Variants in GALNT18 observed in about 807,000 individuals in gnomAD.
The protein encoded by GALNT18 is polypeptide N-acetylgalactosaminyltransferase 18, also known as GalNAc-transferase 18.
GALNT18 carries 44 observed loss-of-function variants against 69.5 expected under a neutral mutation model. The observed-to-expected ratio is 0.63, with a 90% CI of 0.50 to 0.81. The LOEUF is 0.81. GALNT18 is among the 40% of genes least tolerant of loss of function. The pLI is 0.00. For missense variants in GALNT18, 715 were observed against 810.0 expected (o/e 0.88, Z 1.42); for synonymous variants, 364 against 318.2 (o/e 1.14, Z -1.53).
At chr11:11,522,196 C>T (rs762670801) in intron 1 of GALNT18, among the ~76,000 whole-genome samples, 11 of 152,222 alleles carry the variant, frequency 7.2e-5, no homozygotes, top group Non-Finnish European at 1.3e-4. Context: ...TCCACATGAC[C>T]TCTCCTCATT....
At chr11:11,578,636 G>A (rs550569086) in intron 1 of GALNT18, among the ~76,000 whole-genome samples, 1 of 152,354 alleles carries the variant, frequency 6.6e-6, no homozygotes, top group African/African-American at 2.4e-5. Context: ...ATCTTCATAA[G>A]AGACCCCACC....
intron 1 of GALNT18, among the ~76,000 whole-genome samples, chr11:11,553,662 G>T (rs1229303730): frequency 6.7e-6 from 1 of 149,104 alleles, no homozygotes; most frequent in African/African-American, 2.4e-5. Flanking sequence ...GTGTGGAGAG[G>T]ACTGAGAAGC....
At chr11:11,414,294 T>G (rs2133762448) in intron 3 of GALNT18, among the ~76,000 whole-genome samples, 1 of 152,352 alleles carries the variant, frequency 6.6e-6, no homozygotes, top group South Asian at 2.1e-4. Flanking sequence ...TGAAAGCTCA[T>G]CAGCATTGTG....
rs750109164 is a variant in GALNT18, at chr11:11,352,008, G to A, written c.1093-11004C>T. 15 of 1,612,974 alleles carry A rather than the reference G, an allele frequency of 9.3e-6. 1 individual carries two copies. The South Asian group carries it at 1.3e-4, about 14-fold the overall frequency. The stretch of plus-strand genomic sequence containing the variant: ...AAGGGGGTTGGCAGCAGCAATCACT[G>A]GTGAGCCTGCCAGAGGTCCAAGGGG... On this transcript the variant is annotated intron_variant, in intron 6 of 10. Transcript: ENST00000227756.
chr11:11,282,864 C>G (rs1849112046), intron 10 of GALNT18, among the ~76,000 whole-genome samples: 1 of 151,782 alleles, frequency 6.6e-6, no homozygotes, highest in Admixed American at 6.6e-5. Flanking sequence ...GTAGGGAAAG[C>G]AGAAAAATAA....
chr11:11,283,727 C>A (rs181696000), intron 10 of GALNT18, among the ~76,000 whole-genome samples: 137 of 152,192 alleles, frequency 9.0e-4, no homozygotes, highest in Admixed American at 1.4e-3. Context: ...TGTAATACTA[C>A]AACTACATAA....
At chr11:11,506,935 A>G (rs1362236951) in intron 1 of GALNT18, among the ~76,000 whole-genome samples, 1 of 152,186 alleles carries the variant, frequency 6.6e-6, no homozygotes, top group Non-Finnish European at 1.5e-5. Flanking sequence ...TCCACAGTAG[A>G]TGCCCCAGAC....
chr11:11,405,903 T>A (rs958818775), intron 3 of GALNT18, among the ~76,000 whole-genome samples: 2 of 152,248 alleles, frequency 1.3e-5, no homozygotes, highest in Non-Finnish European at 2.9e-5. Context: ...GCAGCCTTAC[T>A]GCTGCACTAG....
chr11:11,340,832 T>C lies in GALNT18; in HGVS notation c.1265A>G (p.Asn422Ser). The change falls in exon 7 of 11, where the codon AAC becomes AGC. Residue 422 changes from asparagine to serine, a missense_variant. Physicochemically the swap from Asn to Ser is conservative, Grantham distance 46 (BLOSUM62 1). Coordinates refer to ENST00000227756, the MANE Select transcript of GALNT18 (RefSeq NM_198516.3). This position sits in a 1 kb window ranked among gnomAD's most constrained non-coding sequence, Gnocchi z 4.2. ...GGAGATCCCTACCTCCTGCGGTATGTTCCATGCCATGTAGACGTGGCTTTT... is the reference window on the plus strand; with the variant it reads ...GGAGATCCCTACCTCCTGCGGTATGCTCCATGCCATGTAGACGTGGCTTTT... ...EFKSHVYMAW[N>S]IPQEDSGIDI... 1 of 1,612,960 alleles carries C rather than the reference T, an allele frequency of 6.2e-7. No individual in the cohort carries two copies. The highest frequency in any genetic ancestry group is 2.2e-5 in the East Asian group (1 of 44,838).
At chr11:11,285,559 AC>A (rs1483161358) in intron 10 of GALNT18, among the ~76,000 whole-genome samples, 2 of 152,160 alleles carry the variant, frequency 1.3e-5, no homozygotes, top group Non-Finnish European at 2.9e-5. Flanking sequence ...ACCAAAAATA[AC>A]TAATTGCACA....
chr11:11,493,788 T>A (rs1194411550), intron 1 of GALNT18, among the ~76,000 whole-genome samples: 2 of 152,154 alleles, frequency 1.3e-5, no homozygotes, highest in African/African-American at 2.4e-5. Flanking sequence ...TTTATTTCCA[T>A]CCCTGTGCTT....
intron 8 of GALNT18, among the ~76,000 whole-genome samples, chr11:11,330,804 T>G (rs887877607): frequency 6.6e-6 from 1 of 152,204 alleles, no homozygotes; most frequent in East Asian, 1.9e-4. Flanking sequence ...AGGATGAGAA[T>G]GCCTTTGGCC....
At chr11:11,520,992 G>A (rs1857385549) in intron 1 of GALNT18, among the ~76,000 whole-genome samples, 3 of 152,106 alleles carry the variant, frequency 2.0e-5, no homozygotes, top group Non-Finnish European at 2.9e-5. Flanking sequence ...TTCCACTGCT[G>A]TCTAGGAAGG....
At chr11:11,547,614 C>G (rs1858089533) in intron 1 of GALNT18, among the ~76,000 whole-genome samples, 3 of 152,184 alleles carry the variant, frequency 2.0e-5, no homozygotes, top group South Asian at 4.1e-4. Flanking sequence ...GACAAACCTG[C>G]TCCACAGGAC....
Position 11,614,494 on chromosome 11 carries a change from T to C in GALNT18, c.235+6865A>G, listed in dbSNP as rs1447300122. ...CAGGAAGACAGCACCAAGCCATTCA[T>C]ACAAACACCTCCCACTAGGCCCCAC... On this transcript the variant is annotated intron_variant, in intron 1 of 10. Transcript: ENST00000227756. The surrounding 1 kb of genome is among the most constrained non-coding windows in gnomAD (Gnocchi z 5.6). 6.6e-6 allele frequency among the ~76,000 whole-genome samples: 1 copy of C among 152,118 alleles called. No individual in the cohort carries two copies. Among genetic ancestry groups the C allele is most frequent in the Non-Finnish European group, 1.5e-5 (1 of 68,022 alleles).
rs1382530558 is a variant in GALNT18 at position 11,341,079 on chromosome 11, T to C, written c.1093-75A>G. On this transcript the variant is annotated intron_variant, in intron 6 of 10. Coordinates refer to ENST00000227756, the MANE Select transcript of GALNT18 (RefSeq NM_198516.3). This position sits in a 1 kb window ranked among gnomAD's most constrained non-coding sequence, Gnocchi z 6.3. ...CTACACCAGGCCTCAGGCAGCCACTTGACATGAGCAGGAAGAAAGTCAGCC... is the reference window on the plus strand; with the variant it reads ...CTACACCAGGCCTCAGGCAGCCACTCGACATGAGCAGGAAGAAAGTCAGCC... 7.0e-7 allele frequency: 1 copy of C among 1,420,156 alleles called. No individual in the cohort carries two copies. Among genetic ancestry groups the C allele is most frequent in the African/African-American group, 1.4e-5 (1 of 69,984 alleles). 88.0% of individuals were successfully genotyped at this position (1,420,156 alleles called of 1,614,324 possible).
chr11:11,284,150 C>T (rs192034092), intron 10 of GALNT18, among the ~76,000 whole-genome samples: 56 of 152,294 alleles, frequency 3.7e-4, no homozygotes, highest in Non-Finnish European at 5.1e-4. Context: ...GAGAACTGTG[C>T]GTAGACTGGG....
rs542808903 is a variant in GALNT18 at position 11,591,044 on chromosome 11, A to C, written c.235+30315T>G. On this transcript the variant is annotated intron_variant, in intron 1 of 10. Coordinates refer to ENST00000227756, the MANE Select transcript of GALNT18 (RefSeq NM_198516.3). The surrounding 1 kb of genome is among the most constrained non-coding windows in gnomAD (Gnocchi z 4.8). ...GGTCCTTCCTGAGATATTCCAGAAG[A>C]AGGCATTATCATCATAGCAGATGAC... 6.6e-6 allele frequency among the ~76,000 whole-genome samples: 1 copy of C among 152,228 alleles called. No individual in the cohort carries two copies. The highest frequency in any genetic ancestry group is 1.9e-4 in the East Asian group (1 of 5,176).
intron 6 of GALNT18, among the ~76,000 whole-genome samples, chr11:11,351,354 C>T (rs1242405963): frequency 1.3e-5 from 2 of 152,198 alleles, no homozygotes; most frequent in Non-Finnish European, 2.9e-5. Context: ...AGATGACATA[C>T]AGCTCCAGGT....
Sources: gnomAD v4.1 joint callset for allele counts (sites outside exome capture counted in the v4.1 genomes callset) on GRCh38, gnomAD v4.1.1 for gene constraint, Gnocchi (gnomAD v3.1) non-coding constraint, MANE v1.5 for transcripts, NCBI Gene and HGNC (gene_info 2026-07-23, HGNC 2026-07-21) for gene names.